The following ZNF700 variants were observed in gnomAD, a reference collection of about 807,000 sequenced individuals.
ZNF700 encodes the protein zinc finger protein 700.
A neutral mutation model predicts 65.3 loss-of-function variants in ZNF700; 38 were observed. The ratio of observed to expected loss-of-function variants is 0.58; its 90% CI spans 0.45 to 0.76. The LOEUF is 0.76. ZNF700 is among the 30% of genes least tolerant of loss of function. The pLI, the probability that ZNF700 is intolerant of heterozygous loss-of-function variation, is 0.00. For missense variants in ZNF700, 857 were observed against 888.4 expected (o/e 0.96, Z 0.45); for synonymous variants, 285 against 290.4 (o/e 0.98, Z 0.19).
At position 11,948,514 on chromosome 19, in the gene ZNF700, T is replaced by A. The variant is rs1414047232; in HGVS notation, c.490T>A (p.Tyr164Asn). 1 of 1,612,636 alleles carries A rather than the reference T, an allele frequency of 6.2e-7. No homozygotes were observed. The highest frequency in any genetic ancestry group is 1.1e-5 in the South Asian group (1 of 90,584). The change falls in exon 4 of 4, where the codon TAT becomes AAT. Residue 164 changes from tyrosine to asparagine, a missense_variant. This residue lies in a region of ZNF700 where 603 missense variants were observed against 619.9 expected (regional missense o/e 0.97). Transcript: ENST00000254321. The part of the protein sequence containing the change: ...YEYQEYGPKP[Y>N]KCQQPKNKKA... ...GTATCAGGAATATGGACCAAAGCCA[T>A]ATAAGTGTCAACAACCTAAAAATAA... is the stretch of plus-strand genomic sequence containing the variant.
intron 1 of ZNF700, among the ~76,000 whole-genome samples, chr19:11,935,122 G>A (rs1972772236): frequency 7.1e-6 from 1 of 140,040 alleles, no homozygotes; most frequent in Non-Finnish European, 1.5e-5. Context: ...CTTGCAGTGG[G>A]CCGAGATGGC....
chr19:11,931,234 A>G (rs1445474095), intron 1 of ZNF700, among the ~76,000 whole-genome samples: 2 of 148,036 alleles, frequency 1.4e-5, no homozygotes, highest in South Asian at 2.1e-4. Context: ...TCTTGAGGTC[A>G]TGAAGTCCAT....
intron 3 of ZNF700, 28 bp from the exon 4 acceptor site, chr19:11,948,248 T>G: frequency 6.2e-7 from 1 of 1,603,974 alleles, no homozygotes; most frequent in Non-Finnish European, 8.5e-7. Context: ...AAACAAACCC[T>G]TCATGATGTG....
At chr19:11,926,696 T>C (rs1465160435) in intron 1 of ZNF700, 1 of 154,268 alleles carries the variant, frequency 6.5e-6, no homozygotes, top group Non-Finnish European at 1.5e-5. Context: ...GCCAGAGGTA[T>C]GTTTTTATTT....
In ZNF700 at chr19:11,933,926, T is replaced by G. The variant is rs983531973; in HGVS notation, c.63+8653T>G. Among the ~76,000 whole-genome samples, 15 of 147,412 alleles carry G rather than the reference T, an allele frequency of 1.0e-4. 1 individual carries two copies. Among genetic ancestry groups the G allele is most frequent in the Admixed American group, 4.7e-4 (7 of 14,988 alleles). On this transcript the variant is annotated intron_variant, in intron 1 of 3. Transcript: ENST00000254321. ...CCCCAGCTCAGGTGATCCTCCCACC[T>G]CAGCTTCCCAAAGTGCTGGGATTCC... is the stretch of plus-strand genomic sequence containing the variant.
At position 11,948,738 on chromosome 19, in the gene ZNF700, T is replaced by C. The variant is rs545838274; in HGVS notation, c.714T>C (p.Leu238=). 38 of 1,612,714 alleles carry C rather than the reference T, an allele frequency of 2.4e-5. No individual in the cohort carries two copies. In the South Asian group the frequency reaches 3.2e-4, roughly 14 times the overall value. The change falls in exon 4 of 4, where the codon CTT becomes CTC. Residue 238 remains leucine, a synonymous_variant. Coordinates refer to ENST00000254321, the MANE Select transcript of ZNF700 (RefSeq NM_144566.3). The part of the protein sequence containing the change: ...GKAFHSFSLY[L]IHERTHTGEK... ...CCTTCCATTCTTTCAGTTTATATCT[T>C]ATCCATGAAAGAACTCACACTGGAG...
Position 11,949,664 on chromosome 19 carries a change from G to A in ZNF700, c.1640G>A (p.Cys547Tyr), listed in dbSNP as rs1206020753. The A allele has an allele frequency of 7.5e-6, 12 of 1,610,136 alleles. No homozygotes were observed. Among genetic ancestry groups the A allele is most frequent in the Non-Finnish European group, 1.0e-5 (12 of 1,179,118 alleles). ...AACCAATGTGGTAAAGCCTTCAGAT[G>A]TTGCAATTCCCTTCGATATCATGAA... ...ECNQCGKAFR[C>Y]CNSLRYHERT... Residue 547 changes from cysteine (C) to tyrosine (Y), a missense_variant, in exon 4 of 4, where the codon TGT (cysteine) becomes TAT (tyrosine). Cys to Tyr is a radical substitution (Grantham distance 194). Coordinates refer to ENST00000254321, the MANE Select transcript of ZNF700 (RefSeq NM_144566.3).
chr19:11,941,349 G>A (rs1019201858), intron 1 of ZNF700, among the ~76,000 whole-genome samples: 24 of 152,228 alleles, frequency 1.6e-4, no homozygotes, highest in African/African-American at 5.1e-4. Flanking sequence ...AGCAGGGGGC[G>A]GCGCTCATCG....
intron 3 of ZNF700, 43 bp downstream of exon 3, chr19:11,947,617 T>C: frequency 6.6e-7 from 1 of 1,517,422 alleles, no homozygotes; most frequent in Non-Finnish European, 9.1e-7. Flanking sequence ...CTCTGCACAA[T>C]CTTAGAATAT....
In ZNF700 at chr19:11,947,220, C is replaced by A. The variant is rs1157929893; in HGVS notation, c.103C>A (p.Gln35Lys). Residue 35 changes from glutamine to lysine, a missense_variant, in exon 2 of 4, where the codon CAG becomes AAG. Physicochemically the swap from Gln to Lys is moderately conservative, Grantham distance 53. Around this residue, in one of 3 missense-constraint regions of ZNF700, gnomAD observed 603 missense variants for 619.9 expected, o/e 0.97. Transcript: ENST00000254321. ...AFEDVAVNFT[Q>K]EEWTLLDISQ... ...TGAGGATGTGGCTGTGAACTTCACCCAGGAAGAGTGGACATTGCTGGATAT... is the reference window on the plus strand; with the variant it reads ...TGAGGATGTGGCTGTGAACTTCACCAAGGAAGAGTGGACATTGCTGGATAT... 1 of 1,613,960 alleles carries A rather than the reference C, an allele frequency of 6.2e-7. No individual in the cohort carries two copies. The highest frequency in any genetic ancestry group is 8.5e-7 in the Non-Finnish European group (1 of 1,179,978).
At position 11,950,465 on chromosome 19, in the gene ZNF700, A is replaced by C. The variant is rs1973049874; in HGVS notation, c.*212A>C. 2 of 695,354 alleles carry C rather than the reference A, an allele frequency of 2.9e-6. No homozygotes were observed. Among genetic ancestry groups the C allele is most frequent in the Non-Finnish European group, 5.2e-6 (2 of 384,696 alleles). The allele number at this position is 695,354 out of a possible 1,614,324, so 43.1% of individuals were successfully genotyped here. Reference sequence around the variant, plus strand: ...CATGAAAGGACTCACACGGGAGAGAAACCCTATGAGTGTATTCTAGTTCCG... The same window carrying C: ...CATGAAAGGACTCACACGGGAGAGACACCCTATGAGTGTATTCTAGTTCCG... On this transcript the variant is annotated 3_prime_UTR_variant, in exon 4 of 4. Coordinates refer to ENST00000254321, the MANE Select transcript of ZNF700 (RefSeq NM_144566.3).
At chr19:11,937,968 T>A (rs1200341414) in intron 1 of ZNF700, among the ~76,000 whole-genome samples, 1 of 152,188 alleles carries the variant, frequency 6.6e-6, no homozygotes, top group African/African-American at 2.4e-5. Flanking sequence ...CAGTAGGATA[T>A]AAATAACTCC....
chr19:11,927,120 A>G (rs1043817790), intron 1 of ZNF700, among the ~76,000 whole-genome samples: 1 of 152,194 alleles, frequency 6.6e-6, no homozygotes, highest in Non-Finnish European at 1.5e-5. Flanking sequence ...TGGGAGGCCA[A>G]GGTGGGAGGA....
chr19:11,934,467 A>G (rs1568291643), intron 1 of ZNF700, among the ~76,000 whole-genome samples: 1 of 148,298 alleles, frequency 6.7e-6, no homozygotes, highest in Non-Finnish European at 1.5e-5. Context: ...GATTTTAGCT[A>G]CTGCACCAGG....
intron 1 of ZNF700, among the ~76,000 whole-genome samples, chr19:11,933,504 C>T (rs954967598): frequency 6.8e-6 from 1 of 147,822 alleles, no homozygotes; most frequent in African/African-American, 2.7e-5. Flanking sequence ...ATCCCCTGTG[C>T]TCTTCCTAAT....
chr19:11,935,910 G>T (rs1250760792), intron 1 of ZNF700, among the ~76,000 whole-genome samples: 1 of 152,066 alleles, frequency 6.6e-6, no homozygotes, highest in East Asian at 1.9e-4. Context: ...CCCTGTGTCC[G>T]AGTGGTCTCA....
chr19:11,948,149 C>G (rs75025831), intron 3 of ZNF700, 127 bp from the exon 4 acceptor site: 171 of 1,128,276 alleles, frequency 1.5e-4, no homozygotes, highest in Non-Finnish European at 2.1e-4. Flanking sequence ...CACCTTCAAA[C>G]GATTCAGACA....
At chr19:11,945,547 A>G (rs1388876277) in intron 1 of ZNF700, among the ~76,000 whole-genome samples, 2 of 152,136 alleles carry the variant, frequency 1.3e-5, no homozygotes, top group African/African-American at 4.8e-5. Context: ...GGAACCGGGT[A>G]CTGTTTTTGC....
rs534199946 is a variant in ZNF700, at chr19:11,946,549, GTGTC to G, written c.64-628_64-625del. Among the ~76,000 whole-genome samples, 85 of 152,260 alleles carry G rather than the reference GTGTC, an allele frequency of 5.6e-4. 2 individuals carry two copies. The South Asian group carries it at 0.018, about 32-fold the overall frequency. On this transcript the variant is annotated intron_variant, in intron 1 of 3. Coordinates refer to ENST00000254321, the MANE Select transcript of ZNF700 (RefSeq NM_144566.3). The stretch of plus-strand genomic sequence containing the variant: ...GGGGTCTAAAACCAGCTGTAACTAA[GTGTC>G]TGTGTACAGGAACTTGTCTGGATAC...
Sources: gnomAD v4.1 joint callset for allele counts (sites outside exome capture counted in the v4.1 genomes callset) on GRCh38, gnomAD v4.1.1 for gene constraint, gnomAD v4.1.1 regional missense constraint, MANE v1.5 for transcripts, NCBI Gene and HGNC (gene_info 2026-07-23, HGNC 2026-07-21) for gene names.